MYO18A: variants seen among roughly 807,000 people sequenced by gnomAD.
MYO18A encodes myosin XVIIIA.
Under a neutral mutation model 235.8 loss-of-function variants are expected in MYO18A, and 78 were observed. The observed-to-expected ratio is 0.33, with a 90% CI of 0.28 to 0.40. The LOEUF is 0.40. Ranked by LOEUF, MYO18A falls within the 10% of genes least tolerant of loss-of-function variation. MYO18A has a pLI of 1.00. For missense variants in MYO18A, 2,215 were observed against 2,699.3 expected (o/e 0.82, Z 3.98); for synonymous variants, 977 against 1,077.8 (o/e 0.91, Z 1.83).
intron 1 of MYO18A, among the ~76,000 whole-genome samples, chr17:29,167,843 C>G (rs1026471874): frequency 6.6e-6 from 1 of 152,162 alleles, no homozygotes; most frequent in African/African-American, 2.4e-5. Context: ...AGAGTAGCAC[C>G]CTTAGCCACC....
chr17:29,119,375 C>T lies in MYO18A; in HGVS notation c.1789G>A (p.Val597Ile), dbSNP rs573737527. 104 of 1,612,922 alleles carry T rather than the reference C, an allele frequency of 6.4e-5. 2 individuals are homozygous for T. In the South Asian group the frequency reaches 9.4e-4, roughly 15 times the overall value. The stretch of plus-strand genomic sequence containing the variant: ...CCACAGGCCAGCAGGTAGTAGAAGA[C>T]GTTGAATGTGGCTTCACTGGCTGGG... ...RRPASEATFN[V>I]FYYLLACGDG... Residue 597 changes from valine to isoleucine, a missense_variant, in exon 8 of 42, where the codon GTC becomes ATC. Val to Ile is a conservative substitution (Grantham distance 29). Transcript: ENST00000527372.
intron 1 of MYO18A, among the ~76,000 whole-genome samples, chr17:29,174,799 G>A (rs1333390671): frequency 6.6e-6 from 1 of 152,086 alleles, no homozygotes; most frequent in Admixed American, 6.5e-5. Flanking sequence ...TGCGCGAAAG[G>A]GCGAGACTCT....
chr17:29,163,959 G>A (rs11657502), intron 2 of MYO18A, among the ~76,000 whole-genome samples: 24,642 of 152,238 alleles, frequency 0.16, 2,056 homozygotes, highest in East Asian at 0.28. Context: ...GCTTGATCTC[G>A]GCTCACTGCA....
intron 41 of MYO18A, 27 bp downstream of exon 41, chr17:29,082,289 C>T (rs763195084): frequency 2.5e-6 from 4 of 1,613,194 alleles, no homozygotes; most frequent in Non-Finnish European, 3.4e-6. Flanking sequence ...GGTGGCTTTT[C>T]CTCCCAGCTC....
intron 2 of MYO18A, among the ~76,000 whole-genome samples, chr17:29,160,578 T>A (rs1456886702): frequency 5.3e-5 from 8 of 152,238 alleles, no homozygotes; most frequent in Admixed American, 5.2e-4. Context: ...CATTAAATAT[T>A]TACTGAGGGA....
At chr17:29,124,712 G>C (rs2067279628) in intron 2 of MYO18A, 3 of 1,279,188 alleles carry the variant, frequency 2.3e-6, no homozygotes, top group East Asian at 5.6e-5. Flanking sequence ...GCAAAGGAGA[G>C]AGAGAGAAGA....
chr17:29,115,525 C>A, intron 12 of MYO18A, 84 bp from the exon 13 acceptor site: 2 of 1,512,798 alleles, frequency 1.3e-6, no homozygotes, highest in Non-Finnish European at 8.9e-7. Flanking sequence ...AGGGCCCAGT[C>A]AGCACGGGGC....
intron 2 of MYO18A, among the ~76,000 whole-genome samples, chr17:29,162,324 G>A (rs2068190846): frequency 6.6e-6 from 1 of 152,174 alleles, no homozygotes; most frequent in Admixed American, 6.5e-5. Context: ...GCTCACAGGG[G>A]CCTCCATGAC....
intron 2 of MYO18A, among the ~76,000 whole-genome samples, chr17:29,151,080 T>C (rs2067955217): frequency 6.6e-6 from 1 of 152,046 alleles, no homozygotes; most frequent in African/African-American, 2.4e-5. Context: ...AGACCCCGTC[T>C]CTACAAAAAA....
intron 41 of MYO18A, chr17:29,079,680 C>T: frequency 1.0e-6 from 1 of 981,820 alleles, no homozygotes; most frequent in Non-Finnish European, 1.2e-6. Context: ...CGTTAGTTCA[C>T]ACCGGGTGGG....
In MYO18A at chr17:29,087,022, G is replaced by A; in HGVS notation, c.5626C>T (p.Leu1876=). The A allele has an allele frequency of 6.2e-7, 1 of 1,614,024 alleles. No individual in the cohort carries two copies. Among genetic ancestry groups the A allele is most frequent in the South Asian group, 1.1e-5 (1 of 91,078 alleles). Residue 1876 remains leucine, a synonymous_variant, in exon 38 of 42, where the codon CTA becomes TTA. Transcript: ENST00000527372. The part of the protein sequence containing the change: ...ENREKEQNKR[L]QRQLRDTKEE... The stretch of plus-strand genomic sequence containing the variant: ...TTGGTGTCCCGGAGCTGCCTCTGTA[G>A]CCGCTTGTTCTGTTCCTTCTCCCGG...
Position 29,093,420 on chromosome 17 carries a change from T to C in MYO18A, c.4829A>G (p.Gln1610Arg), listed in dbSNP as rs1318578296. Reference sequence around the variant, plus strand: ...CTCTTCCTCTAGCTGCACCTCCATCTGTTTTAACTGGAGTACCATGGGGAC... The same window carrying C: ...CTCTTCCTCTAGCTGCACCTCCATCCGTTTTAACTGGAGTACCATGGGGAC... ...ARQSCQKKLK[Q>R]MEVQLEEEYE... The change falls in exon 32 of 42, where the codon CAG (glutamine) becomes CGG (arginine). Residue 1610 changes from glutamine to arginine, a missense_variant. Gln to Arg is a conservative substitution (Grantham distance 43, BLOSUM62 1). Coordinates refer to ENST00000527372, the MANE Select transcript of MYO18A (RefSeq NM_078471.4). The C allele has an allele frequency of 6.2e-7, 1 of 1,610,242 alleles. No homozygotes were observed.
intron 2 of MYO18A, among the ~76,000 whole-genome samples, chr17:29,142,533 T>A (rs973292537): frequency 6.6e-6 from 1 of 152,226 alleles, no homozygotes; most frequent in Non-Finnish European, 1.5e-5. Flanking sequence ...AGCGTGGGCA[T>A]CCCCTGGGGA....
rs576884800 is a variant in MYO18A, at chr17:29,158,600, G to T, written c.999+7342C>A. The stretch of plus-strand genomic sequence containing the variant: ...GCTGCCCAGGACTGACAATGGAGGC[G>T]CCAGGCTGCCTGCCCAGGCAGCAGG... On this transcript the variant is annotated intron_variant, in intron 2 of 41. Transcript: ENST00000527372. The surrounding 1 kb of genome is among the most constrained non-coding windows in gnomAD (Gnocchi z 4.3). 6.6e-6 allele frequency among the ~76,000 whole-genome samples: 1 copy of T among 152,138 alleles called. No homozygotes were observed. Among genetic ancestry groups the T allele is most frequent in the Admixed American group, 6.5e-5 (1 of 15,288 alleles).
In MYO18A at chr17:29,115,722, C is replaced by T. The variant is rs376402559; in HGVS notation, c.2169G>A (p.Leu723=). ...CCTGGCGGAAGGAGGTGGAGCGCTG[C>T]AGGGTGCCACCCTTGTGCTGGTGCT... ...IFKHQHKGGT[L]QRSTSFRQGP... is the part of the protein sequence containing the mutation. Residue 723 remains leucine (L), a synonymous_variant, in exon 12 of 42, where the codon CTG becomes CTA. Coordinates refer to ENST00000527372, the MANE Select transcript of MYO18A (RefSeq NM_078471.4). 2.4e-5 allele frequency: 38 copies of T among 1,604,914 alleles called. No individual in the cohort carries two copies. In the African/African-American group the frequency reaches 4.3e-4, roughly 18 times the overall value.
intron 41 of MYO18A, chr17:29,080,288 G>C: frequency 1.0e-6 from 1 of 986,120 alleles, no homozygotes; most frequent in Non-Finnish European, 1.2e-6. Context: ...TCTGGGTCCA[G>C]GTAGGAGTGA....
At chr17:29,142,105 C>T (rs914732849) in intron 2 of MYO18A, among the ~76,000 whole-genome samples, 18 of 152,250 alleles carry the variant, frequency 1.2e-4, no homozygotes, top group Non-Finnish European at 2.2e-4. Flanking sequence ...CCACCATGCC[C>T]GGCTAATTTT....
rs77067494 is a variant in MYO18A, at chr17:29,140,361, A to G, written c.1000-18108T>C. 0.054 allele frequency: 69,498 copies of G among 1,282,388 alleles called. 2,153 individuals carry two copies. Among genetic ancestry groups the G allele is most frequent in the Non-Finnish European group, 0.063 (62,368 of 985,344 alleles). 79.4% of individuals were successfully genotyped at this position (1,282,388 alleles called of 1,614,324 possible). A position where few individuals can be genotyped will look rare whatever the true frequency, so the allele number is the denominator to read the frequency against. Reference sequence around the variant, plus strand: ...TCACCCGCATGGCCTGGCCTGGAGCAGCCCAGAGCAAGGAGACTCCGCTCT... The same window carrying G: ...TCACCCGCATGGCCTGGCCTGGAGCGGCCCAGAGCAAGGAGACTCCGCTCT... On this transcript the variant is annotated intron_variant, in intron 2 of 41. Coordinates refer to ENST00000527372, the MANE Select transcript of MYO18A (RefSeq NM_078471.4). The surrounding 1 kb of genome is among the most constrained non-coding windows in gnomAD (Gnocchi z 4.2).
Position 29,073,965 on chromosome 17 carries a change from C to T in MYO18A, c.*805G>A, listed in dbSNP as rs149829691. ...AACTGCTGTAGTTGGAATGGGTTTA[C>T]CTTAAATAGGTCATTGCACATAACA... On this transcript the variant is annotated 3_prime_UTR_variant, in exon 42 of 42. Transcript: ENST00000527372. 48 of 1,613,922 alleles carry T rather than the reference C, an allele frequency of 3.0e-5. No homozygotes were observed. The highest frequency in any genetic ancestry group is 3.3e-4 in the Middle Eastern group (2 of 6,084).
Sources: gnomAD v4.1 joint callset for allele counts (sites outside exome capture counted in the v4.1 genomes callset) on GRCh38, gnomAD v4.1.1 for gene constraint, Gnocchi (gnomAD v3.1) non-coding constraint, MANE v1.5 for transcripts, NCBI Gene and HGNC (gene_info 2026-07-23, HGNC 2026-07-21) for gene names.